Variants in ALOX12 observed in about 807,000 individuals in gnomAD.
The protein encoded by ALOX12 is arachidonate 12-lipoxygenase, 12S type.
A neutral mutation model predicts 85.5 loss-of-function variants in ALOX12; 62 were observed. The ratio of observed to expected loss-of-function variants is 0.73; its 90% confidence interval spans 0.59 to 0.90. The LOEUF is 0.90. Among genes scored for constraint, ALOX12 ranks in the 40% least tolerant of loss-of-function variants. ALOX12 has a pLI of 0.00. For missense variants in ALOX12, 751 were observed against 856.5 expected (o/e 0.88, Z 1.54); for synonymous variants, 299 against 332.7 (o/e 0.90, Z 1.10).
rs1190791967 is a variant in ALOX12 at position 7,010,715 on chromosome 17, A to G, written c.*292A>G. The G allele has an allele frequency of 1.0e-5, 3 of 301,382 alleles. No individual in the cohort carries two copies. The highest frequency in any genetic ancestry group is 6.5e-5 in the African/African-American group (3 of 46,496). The allele number at this position is 301,382 out of a possible 1,614,324, so 18.7% of individuals were successfully genotyped here. ...ATGGAAATGAGTGTGACTATGTTCC[A>G]ATAAAACTTTATGGACACTGAGATA... On this transcript the variant is annotated 3_prime_UTR_variant, in exon 14 of 14. Coordinates refer to ENST00000251535, the MANE Select transcript of ALOX12 (RefSeq NM_000697.3).
intron 8 of ALOX12, among the ~76,000 whole-genome samples, chr17:7,003,476 G>A (rs944267673): frequency 6.6e-6 from 1 of 152,076 alleles, no homozygotes; most frequent in Admixed American, 6.6e-5. Context: ...ACCCAGGCTG[G>A]AGTCCAGTGG....
In ALOX12 at chr17:7,010,670, T is replaced by G; in HGVS notation, c.*247T>G. 2.5e-6 allele frequency: 1 copy of G among 407,396 alleles called. No homozygotes were observed. The highest frequency in any genetic ancestry group is 4.3e-6 in the Non-Finnish European group (1 of 230,140). 25.2% of individuals were successfully genotyped at this position (407,396 alleles called of 1,614,324 possible). Reference sequence around the variant, plus strand: ...ACTACTCAGCTCTCCTGCTGCAGCATGAAGGCAGCCACAGACAACATGGAA... The same window carrying G: ...ACTACTCAGCTCTCCTGCTGCAGCAGGAAGGCAGCCACAGACAACATGGAA... On this transcript the variant is annotated 3_prime_UTR_variant, in exon 14 of 14. Coordinates refer to ENST00000251535, the MANE Select transcript of ALOX12 (RefSeq NM_000697.3).
In ALOX12 at chr17:7,005,306, G is replaced by T; in HGVS notation, c.1211G>T (p.Arg404Leu). The change falls in exon 9 of 14, where the codon CGG becomes CTG. Residue 404 changes from arginine to leucine, a missense_variant. Coordinates refer to ENST00000251535, the MANE Select transcript of ALOX12 (RefSeq NM_000697.3). ...ACCATGGAAATCAACACCCGGGCCC[G>T]GACCCAACTCATCTCAGATGGAGGA... is the stretch of plus-strand genomic sequence containing the variant. ...RYTMEINTRA[R>L]TQLISDGGIF... The T allele has an allele frequency of 6.2e-7, 1 of 1,613,692 alleles. No homozygotes were observed. The highest frequency in any genetic ancestry group is 8.5e-7 in the Non-Finnish European group (1 of 1,179,774).
Position 6,996,135 on chromosome 17 carries a change from C to G in ALOX12, c.18C>G (p.Ile6Met). The G allele has an allele frequency of 1.6e-6, 2 of 1,252,356 alleles. No homozygotes were observed. Among genetic ancestry groups the G allele is most frequent in the South Asian group, 3.9e-5 (1 of 25,446 alleles). 77.6% of individuals were successfully genotyped at this position (1,252,356 alleles called of 1,614,324 possible). A position where few individuals can be genotyped will look rare whatever the true frequency, so the allele number is the denominator to read the frequency against. Residue 6 changes from isoleucine to methionine, a missense_variant, in exon 1 of 14, where the codon ATC (isoleucine) becomes ATG (methionine). Physicochemically the swap from Ile to Met is conservative, Grantham distance 10. Coordinates refer to ENST00000251535, the MANE Select transcript of ALOX12 (RefSeq NM_000697.3). MGRYR[I>M]RVATGAWLFS... ...GGGGCGCCATGGGCCGCTACCGCATCCGCGTGGCCACCGGGGCCTGGCTCT... is the reference window on the plus strand; with the variant it reads ...GGGGCGCCATGGGCCGCTACCGCATGCGCGTGGCCACCGGGGCCTGGCTCT...
chr17:7,006,579 G>A lies in ALOX12; in HGVS notation c.1512G>A (p.Glu504=). ...AGGCCTGGTGTCGGGAGATCACGGAGGTGGGGCTGTGCCAGGCCCAGGACC... is the reference window on the plus strand; with the variant it reads ...AGGCCTGGTGTCGGGAGATCACGGAAGTGGGGCTGTGCCAGGCCCAGGACC... ...ELQAWCREIT[E]VGLCQAQDRG... The change falls in exon 11 of 14, where the codon GAG becomes GAA. Residue 504 remains glutamate, a synonymous_variant. Coordinates refer to ENST00000251535, the MANE Select transcript of ALOX12 (RefSeq NM_000697.3). 1.2e-6 allele frequency: 2 copies of A among 1,611,832 alleles called. No individual in the cohort carries two copies. The highest frequency in any genetic ancestry group is 1.1e-5 in the South Asian group (1 of 90,946).
chr17:6,998,390 T>G lies in ALOX12; in HGVS notation c.338-119T>G, dbSNP rs574829316. The stretch of plus-strand genomic sequence containing the variant: ...TAATCAAATGAGGCAAAGCCAGAGA[T>G]AAAAGCAACAGTGCATGGCTGAAAA... On this transcript the variant is annotated intron_variant, in intron 2 of 13. Coordinates refer to ENST00000251535, the MANE Select transcript of ALOX12 (RefSeq NM_000697.3). 1.2e-5 allele frequency: 8 copies of G among 692,498 alleles called. No homozygotes were observed. In the East Asian group the frequency reaches 1.9e-4, roughly 17 times the overall value. 42.9% of individuals were successfully genotyped at this position (692,498 alleles called of 1,614,324 possible). A position where few individuals can be genotyped will look rare whatever the true frequency, so the allele number is the denominator to read the frequency against.
At position 6,999,328 on chromosome 17, in the gene ALOX12, GGAT is replaced by G. The variant is rs771600031; in HGVS notation, c.675_677del (p.Asp225del). Reference sequence around the variant, plus strand: ...AAGAGAAGGTTCGCCAGTGCTGGCAGGATGATGAGTTGTTCAGCTACCAGTTCC... The same window carrying G: ...AAGAGAAGGTTCGCCAGTGCTGGCAGGATGAGTTGTTCAGCTACCAGTTCC... On this transcript the variant is annotated inframe_deletion, in exon 6 of 14. Transcript: ENST00000251535. 5 of 1,614,252 alleles carry G rather than the reference GGAT, an allele frequency of 3.1e-6. No individual in the cohort carries two copies. Among genetic ancestry groups the G allele is most frequent in the Non-Finnish European group, 4.2e-6 (5 of 1,180,036 alleles).
rs1394052762 is a variant in ALOX12, at chr17:6,996,862, G to A, written c.172G>A (p.Gly58Arg). 6.2e-7 allele frequency: 1 copy of A among 1,613,960 alleles called. No individual in the cohort carries two copies. Among genetic ancestry groups the A allele is most frequent in the East Asian group, 2.2e-5 (1 of 44,866 alleles). ...EFDHDVAEDLGLLQFVRLRKH... is the reference protein window; with the variant it reads ...EFDHDVAEDLRLLQFVRLRKH... ...TGATCATGACGTTGCAGAGGACTTG[G>A]GGCTCCTGCAGTTCGTGAGGCTGCG... Residue 58 changes from glycine to arginine, a missense_variant, in exon 2 of 14, where the codon GGG becomes AGG. By Grantham distance (125) the Gly-to-Arg change is moderately radical. Transcript: ENST00000251535.
At chr17:7,004,075 T>TAAA (rs66486411) in intron 8 of ALOX12, among the ~76,000 whole-genome samples, 18 of 7,026 alleles carry the variant, frequency 2.6e-3, no homozygotes, top group East Asian at 5.0e-3. Flanking sequence ...AATTTTAATT[T>TAAA]ATTAAAATTA....
intron 8 of ALOX12, 61 bp downstream of exon 8, chr17:7,001,872 A>C (rs1276223173): frequency 5.6e-6 from 8 of 1,434,010 alleles, no homozygotes; most frequent in Non-Finnish European, 7.7e-6. Flanking sequence ...ACAGCCCCAT[A>C]TCAAAAGATA....
At chr17:7,004,600 G>A (rs1262976205) in intron 8 of ALOX12, among the ~76,000 whole-genome samples, 1 of 151,574 alleles carries the variant, frequency 6.6e-6, no homozygotes, top group Non-Finnish European at 1.5e-5. Flanking sequence ...GGAAAAGCAG[G>A]AGAAGAGGGG....
Position 6,996,222 on chromosome 17 carries a change from G to C in ALOX12, c.105G>C (p.Leu35=), listed in dbSNP as rs1023784283. ...TCGGGACGCGCGGGGAGGCGGAGCT[G>C]GAGCTGCAGCTGCGGCCCGCGCGGG... ...WLVGTRGEAE[L]ELQLRPARGE... is the part of the protein sequence containing the mutation. The change falls in exon 1 of 14, where the codon CTG becomes CTC. Residue 35 remains leucine (L), a synonymous_variant. Transcript: ENST00000251535. 1 of 1,249,860 alleles carries C rather than the reference G, an allele frequency of 8.0e-7. No homozygotes were observed. 77.4% of individuals were successfully genotyped at this position (1,249,860 alleles called of 1,614,324 possible).
intron 11 of ALOX12, among the ~76,000 whole-genome samples, chr17:7,009,090 C>T (rs1222956492): frequency 2.2e-4 from 32 of 142,894 alleles, no homozygotes; most frequent in Admixed American, 2.0e-3. Flanking sequence ...GACAGACTCT[C>T]GTTGTGTCGC....
At chr17:7,003,016 T>C (rs1567718622) in intron 8 of ALOX12, among the ~76,000 whole-genome samples, 1 of 152,222 alleles carries the variant, frequency 6.6e-6, no homozygotes, top group East Asian at 1.9e-4. Context: ...ATTTTCCCCT[T>C]CGGTAACATA....
rs867103369 is a variant in ALOX12, at chr17:7,006,577, G to A, written c.1510G>A (p.Glu504Lys). The change falls in exon 11 of 14, where the codon GAG becomes AAG. Residue 504 changes from glutamate to lysine, a missense_variant. Transcript: ENST00000251535. ...ELQAWCREIT[E>K]VGLCQAQDRG... ...GCAGGCCTGGTGTCGGGAGATCACG[G>A]AGGTGGGGCTGTGCCAGGCCCAGGA... 1 of 1,612,174 alleles carries A rather than the reference G, an allele frequency of 6.2e-7. No homozygotes were observed. Among genetic ancestry groups the A allele is most frequent in the Non-Finnish European group, 8.5e-7 (1 of 1,178,966 alleles).
chr17:7,010,059 C>G lies in ALOX12; in HGVS notation c.1745C>G (p.Pro582Arg). Reference protein sequence around the residue: ...VTMATVMGSLPDVRQACLQMA... With the variant: ...VTMATVMGSLRDVRQACLQMA... ...ATGGCCACAGTGATGGGGTCACTAC[C>G]TGATGTCCGGCAGGCCTGTCTTCAA... The change falls in exon 13 of 14, where the codon CCT becomes CGT. Residue 582 changes from proline to arginine, a missense_variant. Pro to Arg is a moderately radical substitution (Grantham distance 103). Transcript: ENST00000251535. 1.9e-6 allele frequency: 3 copies of G among 1,614,214 alleles called. No individual in the cohort carries two copies. The highest frequency in any genetic ancestry group is 2.5e-6 in the Non-Finnish European group (3 of 1,180,040).
At chr17:7,006,913 C>A (rs1158702026) in intron 11 of ALOX12, among the ~76,000 whole-genome samples, 1 of 152,110 alleles carries the variant, frequency 6.6e-6, no homozygotes, top group Non-Finnish European at 1.5e-5. Flanking sequence ...GAGGGGTCTG[C>A]ACAGTCCCTG....
Position 6,996,185 on chromosome 17 carries a change from A to G in ALOX12, c.68A>G (p.Gln23Arg), listed in dbSNP as rs1908421688. ...WLFSGSYNRV[Q>R]LWLVGTRGEA... The stretch of plus-strand genomic sequence containing the variant: ...TTCTCCGGGTCGTACAACCGCGTGC[A>G]GCTTTGGCTGGTCGGGACGCGCGGG... The change falls in exon 1 of 14, where the codon CAG becomes CGG. Residue 23 changes from glutamine to arginine, a missense_variant. Physicochemically the swap from Gln to Arg is conservative, Grantham distance 43. Coordinates refer to ENST00000251535, the MANE Select transcript of ALOX12 (RefSeq NM_000697.3). The G allele has an allele frequency of 4.8e-6, 6 of 1,252,854 alleles. No homozygotes were observed. The highest frequency in any genetic ancestry group is 6.1e-6 in the Non-Finnish European group (6 of 991,550). 77.6% of individuals were successfully genotyped at this position (1,252,854 alleles called of 1,614,324 possible).
At chr17:7,006,994 G>A (rs753391203) in intron 11 of ALOX12, among the ~76,000 whole-genome samples, 4 of 152,024 alleles carry the variant, frequency 2.6e-5, no homozygotes, top group Non-Finnish European at 4.4e-5. Flanking sequence ...TTTTCCCTCC[G>A]AAGCCCACAA....
Sources: gnomAD v4.1 joint callset for allele counts (sites outside exome capture counted in the v4.1 genomes callset) on GRCh38, gnomAD v4.1.1 for gene constraint, MANE v1.5 for transcripts, NCBI Gene and HGNC (gene_info 2026-07-23, HGNC 2026-07-21) for gene names.